Variants in OTOGL observed in about 807,000 individuals in gnomAD.
The protein encoded by OTOGL is otogelin-like protein.
Under a neutral mutation model 318.5 loss-of-function variants are expected in OTOGL, and 285 were observed. The observed-to-expected ratio is 0.89, with a 90% CI of 0.81 to 0.99. The LOEUF (loss-of-function observed/expected upper bound fraction) is 0.99. Ranked by LOEUF, OTOGL falls within the 50% of genes least tolerant of loss-of-function variation. The probability of loss-of-function intolerance (pLI) is 0.00; values close to 1 mark genes in which losing one functional copy is unlikely to be tolerated. For missense variants in OTOGL, 2,899 were observed against 2,845.6 expected (o/e 1.02, Z -0.43); for synonymous variants, 987 against 936.5 (o/e 1.05, Z -0.99).
chr12:80,241,776 A>T (rs548477697), intron 11 of OTOGL, among the ~76,000 whole-genome samples: 1 of 152,158 alleles, frequency 6.6e-6, no homozygotes, highest in Non-Finnish European at 1.5e-5. Context: ...ATAAAAATCC[A>T]TGCCGGTTAG....
chr12:80,255,597 G>T (rs1387793344), intron 16 of OTOGL, among the ~76,000 whole-genome samples: 1 of 151,912 alleles, frequency 6.6e-6, no homozygotes, highest in South Asian at 2.1e-4. Flanking sequence ...ATTTTAAAGA[G>T]ACTATTTTTG....
chr12:80,324,685 A>C (rs1321237859), intron 35 of OTOGL, among the ~76,000 whole-genome samples: 2 of 152,154 alleles, frequency 1.3e-5, no homozygotes, highest in African/African-American at 2.4e-5. Context: ...AGGGGATTTG[A>C]CCAGGTTGGT....
At chr12:80,190,638 T>G (rs1202263774) in intron 1 of OTOGL, among the ~76,000 whole-genome samples, 3 of 151,344 alleles carry the variant, frequency 2.0e-5, no homozygotes, top group Non-Finnish European at 4.4e-5. Context: ...ATACAAAAAA[T>G]TAGCCGGGCG....
chr12:80,340,556 G>A (rs1336832382), intron 43 of OTOGL, among the ~76,000 whole-genome samples: 1 of 152,058 alleles, frequency 6.6e-6, no homozygotes, highest in African/African-American at 2.4e-5. Flanking sequence ...CATGTAGACA[G>A]CCACTCTGCT....
chr12:80,129,169 G>C (rs191226750), intron 1 of OTOGL, among the ~76,000 whole-genome samples: 47 of 152,238 alleles, frequency 3.1e-4, no homozygotes, highest in African/African-American at 1.1e-3. Flanking sequence ...TTCCTATTCG[G>C]CCATCTTGGC....
At chr12:80,367,938 T>C (rs77165875) in intron 54 of OTOGL, among the ~76,000 whole-genome samples, 199 bp downstream of exon 54, 4,903 of 152,236 alleles carry the variant, frequency 0.032, 173 homozygotes, top group Admixed American at 0.1. Context: ...AGGAGTCTTA[T>C]TATCTACAGC....
chr12:80,356,947 G>C, intron 49 of OTOGL, 33 bp downstream of exon 49: 1 of 1,374,592 alleles, frequency 7.3e-7, no homozygotes, highest in Non-Finnish European at 9.7e-7. Flanking sequence ...CTTGGAAGAA[G>C]AGAAAGGATC....
At chr12:80,157,291 A>AT (rs899073094) in intron 1 of OTOGL, among the ~76,000 whole-genome samples, 2 of 151,690 alleles carry the variant, frequency 1.3e-5, no homozygotes, top group East Asian at 1.9e-4. Context: ...AGATTATTAG[A>AT]TTTTTTTCCC....
chr12:80,166,997 G>T (rs951415785), intron 1 of OTOGL, among the ~76,000 whole-genome samples: 3 of 152,124 alleles, frequency 2.0e-5, no homozygotes, highest in African/African-American at 7.2e-5. Flanking sequence ...TTTCGGGGAG[G>T]AATAACTGAT....
chr12:80,134,577 A>G (rs1007385063), intron 1 of OTOGL, among the ~76,000 whole-genome samples: 1 of 152,170 alleles, frequency 6.6e-6, no homozygotes, highest in Admixed American at 6.5e-5. Flanking sequence ...GTTTAATTGA[A>G]TTGGTAGTCC....
intron 1 of OTOGL, among the ~76,000 whole-genome samples, chr12:80,187,272 T>G (rs529529698): frequency 6.6e-6 from 1 of 152,100 alleles, no homozygotes; most frequent in Non-Finnish European, 1.5e-5. Flanking sequence ...TTTGTTTTTT[T>G]TTTTTATACC....
chr12:80,255,644 TATG>T (rs1284923491), intron 16 of OTOGL, among the ~76,000 whole-genome samples: 3 of 151,970 alleles, frequency 2.0e-5, no homozygotes, highest in African/African-American at 7.2e-5. Context: ...TCTAAACAGA[TATG>T]ATGAATTTCT....
chr12:80,198,724 A>C (rs1396159673), intron 1 of OTOGL, among the ~76,000 whole-genome samples: 2 of 152,154 alleles, frequency 1.3e-5, no homozygotes, highest in Non-Finnish European at 2.9e-5. Flanking sequence ...CCATCAACTT[A>C]ATTAGTTGTG....
At chr12:80,271,575 T>G in intron 23 of OTOGL, 73 bp from the exon 24 acceptor site, 1 of 1,407,126 alleles carries the variant, frequency 7.1e-7, no homozygotes, top group Non-Finnish European at 9.7e-7. Flanking sequence ...ACCTATTTTA[T>G]GAATTTTGGT....
In OTOGL at chr12:80,355,901, T is replaced by A; in HGVS notation, c.5759T>A (p.Val1920Asp). 6.2e-7 allele frequency: 1 copy of A among 1,613,954 alleles called. No individual in the cohort carries two copies. Among genetic ancestry groups the A allele is most frequent in the Non-Finnish European group, 8.5e-7 (1 of 1,179,834 alleles). Residue 1920 changes from valine (V) to aspartate (D), a missense_variant, in exon 47 of 59, where the codon GTC (valine) becomes GAC (aspartate). Val to Asp is a radical substitution (Grantham distance 152, BLOSUM62 -3). Transcript: ENST00000547103. ...TPVCEREAEV[V>D]MGIIDKWTCC... The stretch of plus-strand genomic sequence containing the variant: ...GTTTGTGAACGAGAAGCTGAAGTTG[T>A]CATGGGCATCATTGATAAATGGACC...
rs1191527101 is a variant in OTOGL at position 80,271,758 on chromosome 12, T to C, written c.2629T>C (p.Phe877Leu). 3 of 1,613,090 alleles carry C rather than the reference T, an allele frequency of 1.9e-6. No individual in the cohort carries two copies. Among genetic ancestry groups the C allele is most frequent in the Non-Finnish European group, 2.5e-6 (3 of 1,179,470 alleles). The change falls in exon 24 of 59, where the codon TTC (phenylalanine) becomes CTC (leucine). Residue 877 changes from phenylalanine to leucine, a missense_variant. By Grantham distance (22) the Phe-to-Leu change is conservative. Around this residue, in one of 3 missense-constraint regions of OTOGL, gnomAD observed 2,607 missense variants for 2,524.9 expected, o/e 1.03. Coordinates refer to ENST00000547103, the MANE Select transcript of OTOGL (RefSeq NM_001378609.3). ...TACATGTGCAAACCTAGCCATGAAC[T>C]TCACCTGCACCCCATCCTCACCCTG... ...ETTCANLAMN[F>L]TCTPSSPCIS...
intron 6 of OTOGL, among the ~76,000 whole-genome samples, chr12:80,220,907 A>G (rs1357481567): frequency 6.6e-6 from 1 of 152,172 alleles, no homozygotes; most frequent in African/African-American, 2.4e-5. Flanking sequence ...CTGTCAGGGA[A>G]GACTGCCTGA....
At chr12:80,201,938 C>T (rs1424574486) in intron 1 of OTOGL, among the ~76,000 whole-genome samples, 1 of 152,184 alleles carries the variant, frequency 6.6e-6, no homozygotes, top group Non-Finnish European at 1.5e-5. Flanking sequence ...CAAAAGCATT[C>T]CTGCCTGCTG....
intron 20 of OTOGL, 148 bp from the exon 21 acceptor site, chr12:80,266,303 T>C: frequency 1.3e-6 from 1 of 780,116 alleles, no homozygotes; most frequent in Non-Finnish European, 2.0e-6. Flanking sequence ...CTGAGGATGT[T>C]GCTCTTTGAG....
Sources: gnomAD v4.1 joint callset for allele counts (sites outside exome capture counted in the v4.1 genomes callset) on GRCh38, gnomAD v4.1.1 for gene constraint, gnomAD v4.1.1 regional missense constraint, MANE v1.5 for transcripts, NCBI Gene and HGNC (gene_info 2026-07-23, HGNC 2026-07-21) for gene names.